The following THEMIS variants were observed in gnomAD, a reference collection of about 807,000 sequenced individuals.
THEMIS encodes thymocyte selection associated.
Under a neutral mutation model 52.6 loss-of-function variants are expected in THEMIS, and 37 were observed. The observed-to-expected ratio is 0.70, with a 90% confidence interval of 0.54 to 0.93. The LOEUF (loss-of-function observed/expected upper bound fraction) is 0.93, where lower values mean the gene tolerates loss of function less well. Among genes scored for constraint, THEMIS ranks in the 40% least tolerant of loss-of-function variants. The probability of loss-of-function intolerance (pLI) is 0.00; values close to 1 mark genes in which losing one functional copy is unlikely to be tolerated. For missense variants in THEMIS, 808 were observed against 763.1 expected (o/e 1.06, Z -0.69); for synonymous variants, 292 against 272.7 (o/e 1.07, Z -0.70).
At position 127,743,147 on chromosome 6, in the gene THEMIS, A is replaced by G. The variant is rs576030951; in HGVS notation, c.1759-23324T>C. ...AAGCAACCTAATAAGAAATTGGTCC[A>G]AAGAACACCAAAAGGCAAAAACATC... On this transcript the variant is annotated intron_variant, in intron 4 of 5. Coordinates refer to ENST00000368248, the MANE Select transcript of THEMIS (RefSeq NM_001010923.3). 3.3e-5 allele frequency among the ~76,000 whole-genome samples: 5 copies of G among 152,288 alleles called. No homozygotes were observed. In the East Asian group the frequency reaches 9.7e-4, roughly 29 times the overall value.
chr6:127,744,181 G>T (rs1354683438), intron 4 of THEMIS, among the ~76,000 whole-genome samples: 1 of 152,014 alleles, frequency 6.6e-6, no homozygotes, highest in Non-Finnish European at 1.5e-5. Context: ...GGATGTTAAA[G>T]AGGGGTTTAT....
chr6:127,707,023 C>T (rs561732226), downstream of THEMIS, among the ~76,000 whole-genome samples: 1 of 152,162 alleles, frequency 6.6e-6, no homozygotes, highest in African/African-American at 2.4e-5. Context: ...ATAATCATGG[C>T]AGAAGGGGAA....
intron 4 of THEMIS, among the ~76,000 whole-genome samples, chr6:127,750,443 A>C (rs1212792905): frequency 6.6e-6 from 1 of 151,870 alleles, no homozygotes; most frequent in Non-Finnish European, 1.5e-5. Context: ...TGAAAAAGAA[A>C]ACACGAACCA....
intron 1 of THEMIS, among the ~76,000 whole-genome samples, chr6:127,907,974 G>T (rs1247459463): frequency 6.6e-6 from 1 of 151,896 alleles, no homozygotes; most frequent in Non-Finnish European, 1.5e-5. Context: ...AACCTTGAAA[G>T]AAAATAAAAT....
rs768280784 is a variant in THEMIS at position 127,829,526 on chromosome 6, T to C, written c.659A>G (p.Tyr220Cys). Residue 220 changes from tyrosine (Y) to cysteine (C), a missense_variant, in exon 3 of 6, where the codon TAT becomes TGT. Tyr to Cys is a radical substitution (Grantham distance 194). Transcript: ENST00000368248. Reference protein sequence around the residue: ...DSTNPFPKDFYGTLILKPVYE... With the variant: ...DSTNPFPKDFCGTLILKPVYE... ...AACAGGCTTGAGAATCAGGGTACCA[T>C]AAAAGTCTTTAGGAAATGGATTCGT... is the stretch of plus-strand genomic sequence containing the variant. The C allele has an allele frequency of 1.7e-5, 27 of 1,613,110 alleles. No individual in the cohort carries two copies. Among genetic ancestry groups the C allele is most frequent in the Non-Finnish European group, 2.3e-5 (27 of 1,179,610 alleles).
At chr6:127,842,763 G>T (rs1243153358) in intron 2 of THEMIS, among the ~76,000 whole-genome samples, 1 of 151,874 alleles carries the variant, frequency 6.6e-6, no homozygotes, top group Non-Finnish European at 1.5e-5. Context: ...GGCAAAAGTT[G>T]GCAGTTCGCC....
intron 1 of THEMIS, among the ~76,000 whole-genome samples, chr6:127,909,677 C>T (rs1781362880): frequency 1.3e-5 from 2 of 152,002 alleles, no homozygotes; most frequent in Admixed American, 1.3e-4. Flanking sequence ...ATTTAACAGT[C>T]CCAGTCAAAT....
chr6:127,719,904 A>G, intron 4 of THEMIS, 81 bp from the exon 5 acceptor site: 5 of 1,531,270 alleles, frequency 3.3e-6, no homozygotes, highest in Non-Finnish European at 8.9e-7. Context: ...TCACATGGCA[A>G]TTCATTTCTG....
rs1777985046 is a variant in THEMIS, at chr6:127,813,216, G to A, written c.1425C>T (p.Ala475=). 3 of 1,613,984 alleles carry A rather than the reference G, an allele frequency of 1.9e-6. No individual in the cohort carries two copies. Among genetic ancestry groups the A allele is most frequent in the Non-Finnish European group, 2.5e-6 (3 of 1,180,002 alleles). The part of the protein sequence containing the change: ...DLSIEEDVLA[A]TPGLQLEEDI... ...CCTCCTCCAACTGCAGTCCTGGTGT[G>A]GCAGCCAACACGTCCTCTTCAATGG... The change falls in exon 4 of 6, where the codon GCC becomes GCT. Residue 475 remains alanine (A), a synonymous_variant. Coordinates refer to ENST00000368248, the MANE Select transcript of THEMIS (RefSeq NM_001010923.3).
chr6:127,897,175 C>A (rs1780993622), intron 1 of THEMIS, among the ~76,000 whole-genome samples: 1 of 151,282 alleles, frequency 6.6e-6, no homozygotes. Flanking sequence ...GACTACAGAT[C>A]TGAAGGTGAG....
chr6:127,863,501 A>G (rs1050130388), intron 1 of THEMIS, among the ~76,000 whole-genome samples: 1 of 152,194 alleles, frequency 6.6e-6, no homozygotes. Context: ...CTTTGAAATC[A>G]TACAGAAAAC....
At chr6:127,737,911 C>T (rs1213646726) in intron 4 of THEMIS, among the ~76,000 whole-genome samples, 1 of 152,134 alleles carries the variant, frequency 6.6e-6, no homozygotes, top group Admixed American at 6.6e-5. Flanking sequence ...ACTGTTTATA[C>T]TTTATACAAC....
intron 2 of THEMIS, among the ~76,000 whole-genome samples, chr6:127,838,788 T>C (rs1356018021): frequency 6.6e-6 from 1 of 152,122 alleles, no homozygotes; most frequent in African/African-American, 2.4e-5. Flanking sequence ...AAAAACTTTA[T>C]CAAACAGCAA....
intron 1 of THEMIS, among the ~76,000 whole-genome samples, chr6:127,892,666 AT>A (rs1410661222): frequency 6.6e-6 from 1 of 152,048 alleles, no homozygotes; most frequent in African/African-American, 2.4e-5. Flanking sequence ...GCTTTTTGTA[AT>A]TGTATTTTAA....
intron 1 of THEMIS, among the ~76,000 whole-genome samples, chr6:127,878,671 A>G (rs180788924): frequency 3.9e-4 from 59 of 152,296 alleles, no homozygotes; most frequent in South Asian, 2.3e-3. Flanking sequence ...GGTTGGCATG[A>G]ATTTTTTTCT....
At chr6:127,854,955 G>T (rs1779566781) in intron 2 of THEMIS, 75 bp downstream of exon 2, 3 of 1,275,570 alleles carry the variant, frequency 2.4e-6, no homozygotes, top group Admixed American at 3.0e-5. Context: ...TTTTTTTCTT[G>T]TTTTTGGTTG....
At chr6:127,718,277 A>T (rs2114479234) in intron 5 of THEMIS, among the ~76,000 whole-genome samples, 1 of 152,010 alleles carries the variant, frequency 6.6e-6, no homozygotes, top group East Asian at 1.9e-4. Flanking sequence ...AATCAAATTG[A>T]TCTAGGAAAG....
intron 3 of THEMIS, among the ~76,000 whole-genome samples, chr6:127,821,777 G>T (rs1249814108): frequency 6.6e-6 from 1 of 151,946 alleles, no homozygotes; most frequent in Non-Finnish European, 1.5e-5. Context: ...GGTTGGTGAT[G>T]GGCAACATAT....
Position 127,777,540 on chromosome 6 carries a change from T to C in THEMIS, c.1758+35343A>G, listed in dbSNP as rs1178787432. 3.3e-5 allele frequency among the ~76,000 whole-genome samples: 5 copies of C among 152,168 alleles called. No individual in the cohort carries two copies. In the East Asian group the frequency reaches 7.7e-4, roughly 23 times the overall value. ...TAGCCTAATAAGGACTAAGTCTTTA[T>C]TCAAACAATTATATTGTTAATTAAA... On this transcript the variant is annotated intron_variant, in intron 4 of 5. Transcript: ENST00000368248.
Sources: allele counts gnomAD v4.1 joint callset (sites outside exome capture counted in the v4.1 genomes callset), GRCh38; gene constraint gnomAD v4.1.1; transcripts MANE v1.5; gene names NCBI Gene and HGNC (gene_info 2026-07-23, HGNC 2026-07-21).